The following PLEKHO2 variants were observed in gnomAD, a reference collection of about 807,000 sequenced individuals.
PLEKHO2 encodes pleckstrin homology domain containing O2.
A neutral mutation model predicts 32.7 loss-of-function variants in PLEKHO2; 20 were observed. The observed-to-expected ratio is 0.61, with a 90% CI of 0.43 to 0.89. The LOEUF (loss-of-function observed/expected upper bound fraction) is 0.89, where lower values mean the gene tolerates loss of function less well. Among genes scored for constraint, PLEKHO2 ranks in the 40% least tolerant of loss-of-function variants. PLEKHO2 has a pLI of 0.00. For synonymous variants in PLEKHO2, 247 were observed against 246.3 expected (o/e 1.00, Z -0.03); for missense variants, 568 against 621.2 (o/e 0.91, Z 0.91).
chr15:64,862,256 T>G (rs1345526447), intron 5 of PLEKHO2, among the ~76,000 whole-genome samples: 1 of 151,000 alleles, frequency 6.6e-6, no homozygotes, highest in East Asian at 1.9e-4. Context: ...TAGGATGGGT[T>G]GGGTTGAGAG....
At chr15:64,853,212 C>A (rs2084581545) in intron 2 of PLEKHO2, among the ~76,000 whole-genome samples, 2 of 151,922 alleles carry the variant, frequency 1.3e-5, no homozygotes, top group Non-Finnish European at 2.9e-5. Context: ...GATTGCCAGG[C>A]CCACCCTCTT....
chr15:64,842,155 G>A, intron 1 of PLEKHO2, 127 bp downstream of exon 1: 1 of 871,752 alleles, frequency 1.1e-6, no homozygotes, highest in Non-Finnish European at 1.5e-6. Context: ...GGAAGAGCCT[G>A]GGCAAATGGG....
In PLEKHO2 at chr15:64,861,533, G is replaced by C; in HGVS notation, c.441G>C (p.Gly147=). 1.9e-6 allele frequency: 3 copies of C among 1,609,168 alleles called. No homozygotes were observed. The highest frequency in any genetic ancestry group is 1.7e-4 in the Middle Eastern group (1 of 6,056). ...LEHVTRDRVR[G]GQRRRPPTRV... is the part of the protein sequence containing the mutation. ...ATGTGACACGGGACCGGGTGCGAGG[G>C]GGCCAGCGACGCCGGCCACCAACGA... Residue 147 remains glycine, a synonymous_variant, in exon 5 of 6, where the codon GGG becomes GGC. Coordinates refer to ENST00000323544, the MANE Select transcript of PLEKHO2 (RefSeq NM_025201.5).
At position 64,866,881 on chromosome 15, in the gene PLEKHO2, G is replaced by C. The variant is rs1209143825; in HGVS notation, c.*993G>C. 1 of 152,732 alleles carries C rather than the reference G, an allele frequency of 6.5e-6. No homozygotes were observed. The highest frequency in any genetic ancestry group is 2.4e-5 in the African/African-American group (1 of 41,410). 9.5% of individuals were successfully genotyped at this position (152,732 alleles called of 1,614,324 possible). A position where few individuals can be genotyped will look rare whatever the true frequency, so the allele number is the denominator to read the frequency against. On this transcript the variant is annotated 3_prime_UTR_variant, in exon 6 of 6. Transcript: ENST00000323544. Reference sequence around the variant, plus strand: ...CCAGTCATTTCTTCAAATGCTGATAGGGGTATGTTGGAATCCGAAGCCACT... The same window carrying C: ...CCAGTCATTTCTTCAAATGCTGATACGGGTATGTTGGAATCCGAAGCCACT...
At position 64,861,501 on chromosome 15, in the gene PLEKHO2, C is replaced by T; in HGVS notation, c.409C>T (p.Leu137=). The T allele has an allele frequency of 6.2e-7, 1 of 1,607,072 alleles. No individual in the cohort carries two copies. The highest frequency in any genetic ancestry group is 8.5e-7 in the Non-Finnish European group (1 of 1,177,502). ...GGTAAAGGTGGACAAGAGCTGCGCC[C>T]TGGAGCATGTGACACGGGACCGGGT... ...DEVKVDKSCA[L]EHVTRDRVRG... The change falls in exon 5 of 6, where the codon CTG becomes TTG. Residue 137 remains leucine (L), a synonymous_variant. Coordinates refer to ENST00000323544, the MANE Select transcript of PLEKHO2 (RefSeq NM_025201.5).
intron 5 of PLEKHO2, among the ~76,000 whole-genome samples, chr15:64,863,525 G>GTGTGTGTGTT (rs879792749): frequency 0.026 from 3,840 of 146,212 alleles, 67 homozygotes; most frequent in African/African-American, 0.034. Context: ...GTGTTTGTGT[G>GTGTGTGTGTT]TGTGTGTGTG....
At chr15:64,849,339 G>C (rs192044539) in intron 2 of PLEKHO2, among the ~76,000 whole-genome samples, 59 of 152,174 alleles carry the variant, frequency 3.9e-4, no homozygotes, top group Non-Finnish European at 6.8e-4. Context: ...GTAGAGACAG[G>C]GTTTCACCAA....
In PLEKHO2 at chr15:64,854,950, G is replaced by A. The variant is rs199594189; in HGVS notation, c.192G>A (p.Glu64=). 6.2e-7 allele frequency: 1 copy of A among 1,612,732 alleles called. No individual in the cohort carries two copies. The highest frequency in any genetic ancestry group is 8.5e-7 in the Non-Finnish European group (1 of 1,179,530). ...EDDQKCVETV[E]LGSYEKCQDL... is the part of the protein sequence containing the mutation. ...ATCAGAAGTGTGTGGAGACTGTGGA[G>A]CTGGGCAGCTATGAGAAGTGCCAGG... The change falls in exon 3 of 6, where the codon GAG becomes GAA. Residue 64 remains glutamate, a synonymous_variant. Transcript: ENST00000323544.
At chr15:64,853,689 C>T (rs942834789) in intron 2 of PLEKHO2, among the ~76,000 whole-genome samples, 25 of 152,168 alleles carry the variant, frequency 1.6e-4, no homozygotes, top group African/African-American at 5.8e-4. Context: ...AACCTACTGC[C>T]TGTGACTGGA....
In PLEKHO2 at chr15:64,865,754, G is replaced by T. The variant is rs2084680844; in HGVS notation, c.1339G>T (p.Ala447Ser). ...PVSAETLLSQ[A>S]VEQLRQATQV... ...TAGTGCCGAAACATTGCTCAGCCAG[G>T]CTGTGGAGCAGCTGAGGCAGGCCAC... Residue 447 changes from alanine (A) to serine (S), a missense_variant, in exon 6 of 6, where the codon GCT (alanine) becomes TCT (serine). Ala to Ser is a moderately conservative substitution (Grantham distance 99). Coordinates refer to ENST00000323544, the MANE Select transcript of PLEKHO2 (RefSeq NM_025201.5). 1 of 1,614,112 alleles carries T rather than the reference G, an allele frequency of 6.2e-7. No homozygotes were observed. Among genetic ancestry groups the T allele is most frequent in the African/African-American group, 1.3e-5 (1 of 74,944 alleles).
chr15:64,861,498 G>T lies in PLEKHO2; in HGVS notation c.406G>T (p.Ala136Ser). 8 of 1,605,942 alleles carry T rather than the reference G, an allele frequency of 5.0e-6. No homozygotes were observed. The highest frequency in any genetic ancestry group is 6.8e-6 in the Non-Finnish European group (8 of 1,177,012). ...FDEVKVDKSC[A>S]LEHVTRDRVR... ...CCAGGTAAAGGTGGACAAGAGCTGC[G>T]CCCTGGAGCATGTGACACGGGACCG... The change falls in exon 5 of 6, where the codon GCC becomes TCC. Residue 136 changes from alanine to serine, a missense_variant. Coordinates refer to ENST00000323544, the MANE Select transcript of PLEKHO2 (RefSeq NM_025201.5).
chr15:64,846,275 C>T (rs763440745), intron 1 of PLEKHO2, among the ~76,000 whole-genome samples: 6 of 151,840 alleles, frequency 4.0e-5, no homozygotes, highest in African/African-American at 1.5e-4. Context: ...GGCTCATAAT[C>T]GGCCAGCCTT....
intron 3 of PLEKHO2, 126 bp downstream of exon 3, chr15:64,855,163 C>T (rs1352801626): frequency 1.3e-5 from 9 of 678,830 alleles, no homozygotes; most frequent in East Asian, 5.6e-5. Flanking sequence ...GGCTGAGGCT[C>T]AGCCCTAGCA....
intron 1 of PLEKHO2, among the ~76,000 whole-genome samples, chr15:64,846,793 C>T (rs1437520268): frequency 6.6e-6 from 1 of 152,136 alleles, no homozygotes; most frequent in African/African-American, 2.4e-5. Flanking sequence ...GGAGAGGGTC[C>T]CTGAGAGCCA....
rs749740949 is a variant in PLEKHO2 at position 64,865,922 on chromosome 15, C to G, written c.*34C>G. 6 of 1,574,066 alleles carry G rather than the reference C, an allele frequency of 3.8e-6. No homozygotes were observed. Among genetic ancestry groups the G allele is most frequent in the Non-Finnish European group, 5.2e-6 (6 of 1,164,424 alleles). On this transcript the variant is annotated 3_prime_UTR_variant, in exon 6 of 6. Transcript: ENST00000323544. ...GGGCCAGAGGCACCATCCCTTCTGG[C>G]CATCCATCAAGTCCATCAAGGCCCA... is the stretch of plus-strand genomic sequence containing the variant.
At chr15:64,852,458 G>A (rs977431563) in intron 2 of PLEKHO2, among the ~76,000 whole-genome samples, 5 of 152,192 alleles carry the variant, frequency 3.3e-5, no homozygotes, top group Non-Finnish European at 7.3e-5. Flanking sequence ...TCGATTAGTA[G>A]TTATCCACAT....
intron 1 of PLEKHO2, among the ~76,000 whole-genome samples, chr15:64,847,979 C>T (rs2084535487): frequency 6.6e-6 from 1 of 152,196 alleles, no homozygotes; most frequent in Non-Finnish European, 1.5e-5. Flanking sequence ...ACTGGGTCCC[C>T]CACTGTCCTC....
chr15:64,864,790 G>A (rs2084669073), intron 5 of PLEKHO2, 109 bp from the exon 6 acceptor site: 1 of 1,210,082 alleles, frequency 8.3e-7, no homozygotes, highest in Non-Finnish European at 1.1e-6. Context: ...TGGGGAGCTG[G>A]GGGCCTGGAC....
intron 3 of PLEKHO2, among the ~76,000 whole-genome samples, chr15:64,858,544 C>T (rs2084621422): frequency 6.6e-6 from 1 of 152,174 alleles, no homozygotes; most frequent in Admixed American, 6.5e-5. Flanking sequence ...GAACTATTTA[C>T]TGAGCACCTA....
Sources: gnomAD v4.1 joint callset for allele counts (sites outside exome capture counted in the v4.1 genomes callset) on GRCh38, gnomAD v4.1.1 for gene constraint, MANE v1.5 for transcripts, NCBI Gene and HGNC (gene_info 2026-07-23, HGNC 2026-07-21) for gene names.